Variants in SYNPR observed in about 807,000 individuals in gnomAD.
SYNPR encodes synaptoporin.
In SYNPR, 23 loss-of-function variants were observed where a neutral mutation model predicts 32.9. The ratio of observed to expected loss-of-function variants is 0.70; its 90% CI spans 0.50 to 0.99. SYNPR has a LOEUF of 0.99. SYNPR is among the 50% of genes least tolerant of loss of function. SYNPR has a pLI of 0.00. For synonymous variants in SYNPR, 146 were observed against 135.9 expected (o/e 1.07, Z -0.52); for missense variants, 318 against 349.3 (o/e 0.91, Z 0.71).
chr3:63,578,349 A>T (rs759327974), intron 4 of SYNPR, among the ~76,000 whole-genome samples: 9 of 152,172 alleles, frequency 5.9e-5, no homozygotes, highest in Non-Finnish European at 1.2e-4. Context: ...AGATTTTGTC[A>T]TCAGCCAAGC....
At chr3:63,399,496 G>A (rs1575624787) in intron 2 of SYNPR, among the ~76,000 whole-genome samples, 1 of 152,084 alleles carries the variant, frequency 6.6e-6, no homozygotes, top group East Asian at 1.9e-4. Context: ...TCTGGTGAGT[G>A]CCCATTCCTC....
intron 1 of SYNPR, among the ~76,000 whole-genome samples, chr3:63,233,679 G>T (rs1278688659): frequency 3.3e-5 from 5 of 151,690 alleles, no homozygotes; most frequent in Non-Finnish European, 7.4e-5. Context: ...AAACTGAAAA[G>T]AATAATACTA....
intron 2 of SYNPR, among the ~76,000 whole-genome samples, chr3:63,317,379 G>T (rs2087054583): frequency 6.6e-6 from 1 of 151,420 alleles, no homozygotes; most frequent in Non-Finnish European, 1.5e-5. Flanking sequence ...TCATTTATTG[G>T]GTCTATTGGT....
rs2087930109 is a variant in SYNPR, at chr3:63,378,879, A to G, written c.84+100137A>G. The stretch of plus-strand genomic sequence containing the variant: ...TAAGAGTTGCAGTGTGAAAGTTTAG[A>G]TTACTGATTTAGGATTCTAAAAATC... On this transcript the variant is annotated intron_variant, in intron 2 of 5. Transcript: ENST00000478300. Among the ~76,000 whole-genome samples, 4 of 151,772 alleles carry G rather than the reference A, an allele frequency of 2.6e-5. No homozygotes were observed. The South Asian group carries it at 8.3e-4, about 31-fold the overall frequency.
At chr3:63,500,329 C>T (rs1248183014) in intron 3 of SYNPR, among the ~76,000 whole-genome samples, 4 of 152,126 alleles carry the variant, frequency 2.6e-5, no homozygotes, top group African/African-American at 9.7e-5. Flanking sequence ...CTTGGAAACA[C>T]TGTCCTAGAG....
At chr3:63,615,143 T>G in intron 5 of SYNPR, 81 bp from the exon 6 acceptor site, 3 of 1,482,546 alleles carry the variant, frequency 2.0e-6, no homozygotes, top group Non-Finnish European at 2.7e-6. Context: ...TCTTTTGTAT[T>G]GTGAAGGATT....
At position 63,600,213 on chromosome 3, in the gene SYNPR, G is replaced by A. The variant is rs79471534; in HGVS notation, c.409-8912G>A. ...GGTAAGCACTTAGCAGAGTGCTGGC[G>A]TATAGGAAGCACTCAGTAAATACGG... On this transcript the variant is annotated intron_variant, in intron 4 of 5. Coordinates refer to ENST00000478300, the MANE Select transcript of SYNPR (RefSeq NM_001130003.2). Among the ~76,000 whole-genome samples the A allele has an allele frequency of 3.0e-3, 453 of 152,322 alleles. 3 individuals are homozygous for A. The highest frequency in any genetic ancestry group is 0.012 in the Admixed American group (189 of 15,300).
At chr3:63,343,501 C>T (rs2087395582) in intron 2 of SYNPR, among the ~76,000 whole-genome samples, 1 of 152,128 alleles carries the variant, frequency 6.6e-6, no homozygotes, top group African/African-American at 2.4e-5. Flanking sequence ...GGAGGTCCTG[C>T]CTCTATCCAT....
intron 2 of SYNPR, among the ~76,000 whole-genome samples, chr3:63,369,632 C>T (rs1382564450): frequency 6.6e-6 from 1 of 152,166 alleles, no homozygotes; most frequent in Non-Finnish European, 1.5e-5. Flanking sequence ...AAGATGGAAT[C>T]AATTTTCCAT....
chr3:63,310,888 T>A (rs2086956634), intron 2 of SYNPR, among the ~76,000 whole-genome samples: 2 of 152,028 alleles, frequency 1.3e-5, no homozygotes, highest in African/African-American at 4.8e-5. Flanking sequence ...TTGCTTTGGA[T>A]GCTTGGCTTA....
intron 2 of SYNPR, among the ~76,000 whole-genome samples, chr3:63,353,688 C>G (rs1401774412): frequency 1.3e-5 from 2 of 152,170 alleles, no homozygotes; most frequent in Non-Finnish European, 2.9e-5. Flanking sequence ...ACTTATAAAA[C>G]TTAAGTTTTA....
chr3:63,286,735 T>G (rs2086687268), intron 2 of SYNPR, among the ~76,000 whole-genome samples: 2 of 152,222 alleles, frequency 1.3e-5, no homozygotes, highest in South Asian at 4.1e-4. Flanking sequence ...TCCTGTTCAA[T>G]GTACTAGCTT....
intron 1 of SYNPR, among the ~76,000 whole-genome samples, chr3:63,230,318 C>G (rs904956034): frequency 6.6e-6 from 1 of 152,122 alleles, no homozygotes; most frequent in Non-Finnish European, 1.5e-5. Flanking sequence ...TACAGAGATT[C>G]TGAAGGAAGG....
rs555709169 is a variant in SYNPR, at chr3:63,411,179, T to G, written c.85-69653T>G. On this transcript the variant is annotated intron_variant, in intron 2 of 5. Transcript: ENST00000478300. The stretch of plus-strand genomic sequence containing the variant: ...CTGGGTAAAGAGAACAACAAATGAC[T>G]AACTTAATGGTGTGTGGGTGGGTGG... Among the ~76,000 whole-genome samples, 54 of 152,248 alleles carry G rather than the reference T, an allele frequency of 3.5e-4. 2 individuals are homozygous for G. The South Asian group carries it at 0.011, about 30-fold the overall frequency.
chr3:63,344,549 GA>G (rs2087412041), intron 2 of SYNPR, among the ~76,000 whole-genome samples: 1 of 76,142 alleles, frequency 1.3e-5, no homozygotes, highest in Non-Finnish European at 2.7e-5. Context: ...ATTCAAAAAA[GA>G]TTTTTTTTTT....
rs78643557 is a variant in SYNPR, at chr3:63,279,991, G to T, written c.84+1249G>T. 5.0e-3 allele frequency among the ~76,000 whole-genome samples: 763 copies of T among 152,288 alleles called. 5 individuals are homozygous for T. Among genetic ancestry groups the T allele is most frequent in the African/African-American group, 0.018 (729 of 41,540 alleles). On this transcript the variant is annotated intron_variant, in intron 2 of 5. Transcript: ENST00000478300. ...ATCCTCACAGTTCTGGAAACTTTCA[G>T]TTTGCTTTCTCAGAATTCTGCCCGC...
At chr3:63,203,993 T>G in the SYNPR span, among the ~76,000 whole-genome samples, 2 of 152,070 alleles carry the variant, frequency 1.3e-5, no homozygotes, top group South Asian at 4.2e-4. Context: ...AGAGCAAAAC[T>G]CCATCTCAAA....
At chr3:63,225,351 T>A (rs555558988), upstream of SYNPR, among the ~76,000 whole-genome samples, 9 of 152,334 alleles carry the variant, frequency 5.9e-5, no homozygotes. Flanking sequence ...ATATGACCAA[T>A]GGGCAATCTG....
At chr3:63,502,571 C>T (rs959169996) in intron 3 of SYNPR, among the ~76,000 whole-genome samples, 1 of 152,120 alleles carries the variant, frequency 6.6e-6, no homozygotes, top group Non-Finnish European at 1.5e-5. Context: ...CACCTCCAAC[C>T]TCTGACAACC....
Sources: allele counts gnomAD v4.1 joint callset (sites outside exome capture counted in the v4.1 genomes callset), GRCh38; gene constraint gnomAD v4.1.1; transcripts MANE v1.5; gene names NCBI Gene and HGNC (gene_info 2026-07-23, HGNC 2026-07-21).